The following CDH13 variants were observed in gnomAD, a reference collection of about 807,000 sequenced individuals.
The protein encoded by CDH13 is cadherin 13.
Under a neutral mutation model 63.8 loss-of-function variants are expected in CDH13, and 24 were observed. That is an observed-to-expected ratio of 0.38 (90% CI 0.27 to 0.53). The LOEUF (loss-of-function observed/expected upper bound fraction) is 0.53, where lower values mean the gene tolerates loss of function less well. Among genes scored for constraint, CDH13 ranks in the 20% least tolerant of loss-of-function variants. The pLI is 0.85. For missense variants in CDH13, 1,049 were observed against 903.1 expected, an observed-to-expected ratio of 1.16 and a Z score of -2.07; for synonymous variants, 503 against 355.3, an observed-to-expected ratio of 1.42 and a Z score of -4.67.
chr16:83,591,225 G>C (rs1402081106), intron 7 of CDH13, among the ~76,000 whole-genome samples: 2 of 152,148 alleles, frequency 1.3e-5, no homozygotes, highest in Non-Finnish European at 2.9e-5. Flanking sequence ...GCACTTTCAA[G>C]AAGCAGTGAC....
At chr16:83,408,315 C>T (rs533391038) in intron 6 of CDH13, among the ~76,000 whole-genome samples, 2 of 150,270 alleles carry the variant, frequency 1.3e-5, no homozygotes, top group South Asian at 4.3e-4. Flanking sequence ...TGTCACTCAA[C>T]AATGGGTATA....
At chr16:82,668,191 T>C (rs1348369705) in intron 1 of CDH13, among the ~76,000 whole-genome samples, 6 of 152,076 alleles carry the variant, frequency 3.9e-5, no homozygotes, top group Non-Finnish European at 7.4e-5. Flanking sequence ...CCAGTTCAAC[T>C]ACACCACCAA....
At chr16:83,115,311 T>C (rs755430497) in intron 3 of CDH13, among the ~76,000 whole-genome samples, 1 of 152,178 alleles carries the variant, frequency 6.6e-6, no homozygotes, top group East Asian at 1.9e-4. Context: ...AGTGAGATAA[T>C]CATACAATGT....
intron 1 of CDH13, among the ~76,000 whole-genome samples, chr16:82,735,806 G>T (rs949360644): frequency 2.0e-5 from 3 of 152,152 alleles, no homozygotes; most frequent in African/African-American, 7.2e-5. Context: ...CTATTTGCTG[G>T]GTAGACTCTT....
chr16:83,277,367 C>G (rs2089024947), intron 5 of CDH13, among the ~76,000 whole-genome samples: 2 of 152,114 alleles, frequency 1.3e-5, no homozygotes, highest in Non-Finnish European at 2.9e-5. Flanking sequence ...ACTCAGATGC[C>G]TAAACCATAC....
At chr16:82,676,216 A>C (rs1567615950) in intron 1 of CDH13, among the ~76,000 whole-genome samples, 1 of 152,188 alleles carries the variant, frequency 6.6e-6, no homozygotes, top group South Asian at 2.1e-4. Context: ...CCAGAGCTGT[A>C]TACCCACTGC....
chr16:83,606,829 C>CA (rs1289841603), intron 8 of CDH13, among the ~76,000 whole-genome samples: 3 of 152,088 alleles, frequency 2.0e-5, no homozygotes, highest in Admixed American at 1.3e-4. Flanking sequence ...CCGCCGCCCT[C>CA]ACGGCTGCCT....
At chr16:83,221,705 C>G (rs1037732825) in intron 5 of CDH13, among the ~76,000 whole-genome samples, 4 of 151,880 alleles carry the variant, frequency 2.6e-5, no homozygotes, top group African/African-American at 9.7e-5. Context: ...CAGGGCAAAA[C>G]AGGAAGCATG....
intron 1 of CDH13, among the ~76,000 whole-genome samples, chr16:82,632,815 T>A (rs779288879): frequency 6.6e-6 from 1 of 152,178 alleles, no homozygotes; most frequent in Non-Finnish European, 1.5e-5. Context: ...CTCACTATAA[T>A]TTAGAATTAC....
chr16:82,746,555 A>C (rs1249645462), intron 1 of CDH13, among the ~76,000 whole-genome samples: 1 of 152,120 alleles, frequency 6.6e-6, no homozygotes, highest in Non-Finnish European at 1.5e-5. Flanking sequence ...ATATGACTTT[A>C]TGCCTTCATA....
At chr16:83,307,836 T>C (rs141963994) in intron 5 of CDH13, among the ~76,000 whole-genome samples, 36 of 152,332 alleles carry the variant, frequency 2.4e-4, no homozygotes, top group Non-Finnish European at 4.0e-4. Flanking sequence ...GGGGGAGTAA[T>C]TATTTGCCGG....
intron 4 of CDH13, among the ~76,000 whole-genome samples, chr16:83,126,157 A>G (rs2035803076): frequency 1.3e-5 from 2 of 152,200 alleles, no homozygotes; most frequent in South Asian, 4.1e-4. Flanking sequence ...TCAGTGCCGC[A>G]AAGGAGAACC....
intron 11 of CDH13, among the ~76,000 whole-genome samples, chr16:83,758,191 C>T (rs1913671320): frequency 6.6e-6 from 1 of 152,016 alleles, no homozygotes; most frequent in African/African-American, 2.4e-5. Flanking sequence ...TATACAAACC[C>T]TTCCAGAAAC....
intron 6 of CDH13, among the ~76,000 whole-genome samples, chr16:83,475,952 C>T (rs1455147665): frequency 6.6e-6 from 1 of 152,086 alleles, no homozygotes; most frequent in Non-Finnish European, 1.5e-5. Context: ...ATGATAGCGA[C>T]AATAAGCCCA....
intron 7 of CDH13, among the ~76,000 whole-genome samples, chr16:83,490,025 AC>A (rs1488013013): frequency 6.8e-6 from 1 of 147,272 alleles, no homozygotes; most frequent in Admixed American, 6.7e-5. Context: ...ACACACACAC[AC>A]ACACACACAC....
intron 5 of CDH13, among the ~76,000 whole-genome samples, chr16:83,290,124 T>C (rs932743535): frequency 3.9e-5 from 6 of 152,226 alleles, no homozygotes; most frequent in Non-Finnish European, 7.3e-5. Context: ...GTTAGTCAGA[T>C]GCATGTTGTT....
chr16:83,015,399 AACCGT>A (rs1312296954), intron 2 of CDH13, among the ~76,000 whole-genome samples: 2 of 151,674 alleles, frequency 1.3e-5, no homozygotes, highest in Non-Finnish European at 2.9e-5. Context: ...TTATTTTGAA[AACCGT>A]ACTGCTAAAA....
At chr16:83,068,772 C>T (rs66507908) in intron 3 of CDH13, among the ~76,000 whole-genome samples, 1 of 152,296 alleles carries the variant, frequency 6.6e-6, no homozygotes, top group Non-Finnish European at 1.5e-5. Flanking sequence ...TTTAAGTCTG[C>T]AAGTTCATGG....
rs562143450 is a variant in CDH13, at chr16:82,676,430, C to A, written c.45+49293C>A. Among the ~76,000 whole-genome samples, 9 of 151,536 alleles carry A rather than the reference C, an allele frequency of 5.9e-5. No individual in the cohort carries two copies. In the East Asian group the frequency reaches 1.8e-3, roughly 30 times the overall value. On this transcript the variant is annotated intron_variant, in intron 1 of 13. Transcript: ENST00000567109. ...GTCTGCTAAATATCTCAGCAAGAAT[C>A]CATCCAGTTCTCTCCCTCTCCATTG...
Sources: allele counts gnomAD v4.1 joint callset (sites outside exome capture counted in the v4.1 genomes callset), GRCh38; gene constraint gnomAD v4.1.1; transcripts MANE v1.5; gene names NCBI Gene and HGNC (gene_info 2026-07-23, HGNC 2026-07-21).